The following ARFGEF2 variants were observed in gnomAD, a reference collection of about 807,000 sequenced individuals.
The protein encoded by ARFGEF2 is ARF guanine nucleotide exchange factor 2, also known as brefeldin A-inhibited guanine nucleotide-exchange protein 2.
Under a neutral mutation model 219.9 loss-of-function variants are expected in ARFGEF2, and 74 were observed. That is an observed-to-expected ratio of 0.34 (90% CI 0.28 to 0.41). The LOEUF is 0.41. Ranked by LOEUF, ARFGEF2 falls within the 10% of genes least tolerant of loss-of-function variation. The pLI, the probability that ARFGEF2 is intolerant of heterozygous loss-of-function variation, is 1.00. For missense variants in ARFGEF2, 1,743 were observed against 2,218.3 expected (o/e 0.79, Z 4.30); for synonymous variants, 733 against 799.2 (o/e 0.92, Z 1.40).
In ARFGEF2 at chr20:48,974,930, CTAGGA is replaced by C. The variant is rs1367059023; in HGVS notation, c.1774+57_1774+61del. ...CATTCATAATAGGCTCCTACGACTG[CTAGGA>C]ACAGTTGTCTTAGTATAGTTGTCTT... On this transcript the variant is annotated intron_variant, in intron 13 of 38. Coordinates refer to ENST00000371917, the MANE Select transcript of ARFGEF2 (RefSeq NM_006420.3). 3.6e-6 allele frequency: 5 copies of C among 1,389,506 alleles called. No homozygotes were observed. The East Asian group carries it at 1.2e-4, about 32-fold the overall frequency. 86.1% of individuals were successfully genotyped at this position (1,389,506 alleles called of 1,614,324 possible). A position where few individuals can be genotyped will look rare whatever the true frequency, so the allele number is the denominator to read the frequency against.
chr20:48,997,250 G>T (rs182273987), intron 23 of ARFGEF2, among the ~76,000 whole-genome samples: 1 of 147,940 alleles, frequency 6.8e-6, no homozygotes, highest in East Asian at 2.0e-4. Flanking sequence ...GTCATTTCTT[G>T]TACTATATCT....
At chr20:49,032,623 T>C (rs558241216) in intron 38 of ARFGEF2, among the ~76,000 whole-genome samples, 1 of 152,102 alleles carries the variant, frequency 6.6e-6, no homozygotes, top group Non-Finnish European at 1.5e-5. Flanking sequence ...GACAGAGTCT[T>C]GGTCTGTCAC....
At chr20:48,989,174 A>G in intron 18 of ARFGEF2, 111 bp from the exon 19 acceptor site, 1 of 1,228,078 alleles carries the variant, frequency 8.1e-7, no homozygotes, top group Non-Finnish European at 1.2e-6. Flanking sequence ...GACTCACGAG[A>G]TGGTTGGGAG....
intron 26 of ARFGEF2, among the ~76,000 whole-genome samples, chr20:49,008,378 C>T (rs1454893124): frequency 6.6e-6 from 1 of 151,890 alleles, no homozygotes; most frequent in East Asian, 1.9e-4. Context: ...GCCTGGCCAA[C>T]ATGCTGAAAC....
At chr20:48,948,068 A>G (rs1001708602) in intron 3 of ARFGEF2, among the ~76,000 whole-genome samples, 1 of 152,212 alleles carries the variant, frequency 6.6e-6, no homozygotes, top group Non-Finnish European at 1.5e-5. Context: ...GATTTTTTAA[A>G]TGCACAATGA....
intron 1 of ARFGEF2, among the ~76,000 whole-genome samples, chr20:48,938,340 G>A (rs1010293955): frequency 3.9e-5 from 6 of 152,244 alleles, no homozygotes; most frequent in Non-Finnish European, 5.9e-5. Flanking sequence ...CTTTCTCCTC[G>A]GCTCTTCTCC....
intron 14 of ARFGEF2, among the ~76,000 whole-genome samples, chr20:48,979,532 A>G (rs925886834): frequency 2.0e-5 from 3 of 152,156 alleles, no homozygotes; most frequent in Non-Finnish European, 2.9e-5. Flanking sequence ...ATTGATTGGA[A>G]TAGTTTCAGA....
chr20:48,968,515 G>A (rs2091205263), intron 8 of ARFGEF2, among the ~76,000 whole-genome samples: 1 of 151,578 alleles, frequency 6.6e-6, no homozygotes, highest in Non-Finnish European at 1.5e-5. Flanking sequence ...CGATTCTCCT[G>A]TCTTAGCCTC....
intron 14 of ARFGEF2, among the ~76,000 whole-genome samples, chr20:48,983,781 A>T (rs1600632831): frequency 6.6e-6 from 1 of 152,220 alleles, no homozygotes; most frequent in Non-Finnish European, 1.5e-5. Flanking sequence ...TCCCAAGTTA[A>T]GTTCTGCCCT....
Position 48,971,168 on chromosome 20 carries a change from T to C in ARFGEF2, c.1239T>C (p.Ser413=). The C allele has an allele frequency of 6.2e-7, 1 of 1,614,212 alleles. No individual in the cohort carries two copies. The highest frequency in any genetic ancestry group is 8.5e-7 in the Non-Finnish European group (1 of 1,180,036). ...SKVVSLQLLL[S]VLQNAGPVFR... is the part of the protein sequence containing the mutation. ...TGGTTTCCCTGCAGCTGCTCCTCTC[T>C]GTGTTGCAAAATGCTGGCCCCGTAT... Residue 413 remains serine, a synonymous_variant, in exon 10 of 39, where the codon TCT becomes TCC. Transcript: ENST00000371917.
At position 48,991,166 on chromosome 20, in the gene ARFGEF2, G is replaced by A. The variant is rs765305868; in HGVS notation, c.2941G>A (p.Asp981Asn). 3.7e-6 allele frequency: 6 copies of A among 1,614,070 alleles called. No individual in the cohort carries two copies. The African/African-American group carries it at 4.0e-5, about 11-fold the overall frequency. The change falls in exon 21 of 39, where the codon GAT becomes AAT. Residue 981 changes from aspartate to asparagine, a missense_variant. Coordinates refer to ENST00000371917, the MANE Select transcript of ARFGEF2 (RefSeq NM_006420.3). ...IKTLITVAHT[D>N]GNYLGNSWHE... is the part of the protein sequence containing the mutation. The stretch of plus-strand genomic sequence containing the variant: ...GACGCTTATCACAGTGGCTCACACC[G>A]ATGGCAACTACCTTGGGAATTCCTG...
At chr20:48,924,188 G>A (rs150341133) in intron 1 of ARFGEF2, among the ~76,000 whole-genome samples, 72 of 152,316 alleles carry the variant, frequency 4.7e-4, no homozygotes, top group African/African-American at 1.7e-3. Context: ...TCAAGGCCCA[G>A]TCTTGTGTCC....
At chr20:48,952,592 A>G in intron 4 of ARFGEF2, 113 bp from the exon 5 acceptor site, 1 of 1,057,678 alleles carries the variant, frequency 9.5e-7, no homozygotes, top group South Asian at 1.3e-5. Flanking sequence ...TTTATTTGAA[A>G]AAAGCACACA....
At chr20:48,998,258 A>G in intron 24 of ARFGEF2, 25 bp downstream of exon 24, 1 of 1,614,198 alleles carries the variant, frequency 6.2e-7, no homozygotes, top group Non-Finnish European at 8.5e-7. Context: ...TACCTGTGAA[A>G]ACTGCAGAAG....
At position 48,971,315 on chromosome 20, in the gene ARFGEF2, T is replaced by C; in HGVS notation, c.1386T>C (p.Leu462=). ...FELSLAIFLT[L]LSNFKMHLKM... is the part of the protein sequence containing the mutation. The stretch of plus-strand genomic sequence containing the variant: ...TCTCTCTTGCCATTTTTCTTACTCT[T>C]CTTTCAAACTTTAAAATGCACTTGA... Residue 462 remains leucine, a synonymous_variant, in exon 10 of 39, where the codon CTT becomes CTC. Transcript: ENST00000371917. 1 of 1,614,210 alleles carries C rather than the reference T, an allele frequency of 6.2e-7. No homozygotes were observed. The highest frequency in any genetic ancestry group is 8.5e-7 in the Non-Finnish European group (1 of 1,180,042).
intron 8 of ARFGEF2, among the ~76,000 whole-genome samples, chr20:48,967,847 C>A (rs6090930): frequency 0.32 from 48,422 of 151,944 alleles, 7,934 homozygotes; most frequent in East Asian, 0.47. Flanking sequence ...GTAATAAGGT[C>A]ATTTAGATTT....
intron 15 of ARFGEF2, 31 bp downstream of exon 15, chr20:48,984,871 G>A: frequency 1.2e-6 from 2 of 1,612,120 alleles, no homozygotes; most frequent in South Asian, 1.1e-5. Flanking sequence ...ACTTGCATGT[G>A]AGTTCTGTCA....
chr20:48,954,091 T>G (rs1239903807), intron 6 of ARFGEF2, among the ~76,000 whole-genome samples: 1 of 152,170 alleles, frequency 6.6e-6, no homozygotes, highest in Non-Finnish European at 1.5e-5. Context: ...AGTAGTTAAT[T>G]GATTGGGTGA....
chr20:48,953,216 T>C (rs1568700966), intron 5 of ARFGEF2, among the ~76,000 whole-genome samples: 1 of 151,182 alleles, frequency 6.6e-6, no homozygotes, highest in Non-Finnish European at 1.5e-5. Flanking sequence ...TGTTCTGTTA[T>C]CCAAGCTGGA....
Sources: allele counts gnomAD v4.1 joint callset (sites outside exome capture counted in the v4.1 genomes callset), GRCh38; gene constraint gnomAD v4.1.1; transcripts MANE v1.5; gene names NCBI Gene and HGNC (gene_info 2026-07-23, HGNC 2026-07-21).